The following MCM9 variants were observed in gnomAD, a reference collection of about 807,000 sequenced individuals.
MCM9 encodes the protein minichromosome maintenance 9 homologous recombination repair factor.
Under a neutral mutation model 72.8 loss-of-function variants are expected in MCM9, and 55 were observed. The ratio of observed to expected loss-of-function variants is 0.76; its 90% CI spans 0.61 to 0.95. The LOEUF (loss-of-function observed/expected upper bound fraction) is 0.95, where lower values mean the gene tolerates loss of function less well. Among genes scored for constraint, MCM9 ranks in the 40% least tolerant of loss-of-function variants. The pLI, the probability that MCM9 is intolerant of heterozygous loss-of-function variation, is 0.00. For synonymous variants in MCM9, 480 were observed against 503.4 expected, an observed-to-expected ratio of 0.95 and a Z score of 0.62; for missense variants, 1,279 against 1,377.0, an observed-to-expected ratio of 0.93 and a Z score of 1.13.
At chr6:118,885,158 TGCACTCCAGCATGGGAGACAGA>T (rs1292603668) in intron 8 of MCM9, among the ~76,000 whole-genome samples, 1 of 151,870 alleles carries the variant, frequency 6.6e-6, no homozygotes, top group Non-Finnish European at 1.5e-5. Context: ...ATTGCGCCGC[TGCACTCCAGCATGGGAGACAGA>T]GCACTCCAGC....
intron 8 of MCM9, among the ~76,000 whole-genome samples, chr6:118,889,773 T>C (rs544215870): frequency 1.3e-5 from 2 of 152,300 alleles, no homozygotes; most frequent in South Asian, 4.2e-4. Context: ...ATTACAGTGC[T>C]TCAGAAAGCT....
intron 6 of MCM9, 110 bp downstream of exon 6, chr6:118,917,451 C>G (rs1781054663): frequency 1.9e-6 from 2 of 1,076,934 alleles, no homozygotes; most frequent in Non-Finnish European, 1.4e-6. Context: ...ACCCTTTAAA[C>G]TCAGTCATTG....
chr6:118,852,388 C>G (rs990744619), intron 9 of MCM9, among the ~76,000 whole-genome samples: 3 of 151,826 alleles, frequency 2.0e-5, no homozygotes, highest in Non-Finnish European at 2.9e-5. Context: ...AGCTTTATGT[C>G]TTCTCCTTTC....
At position 118,909,887 on chromosome 6, in the gene MCM9, C is replaced by T. The variant is rs183854533; in HGVS notation, c.1150+1763G>A. The stretch of plus-strand genomic sequence containing the variant: ...ATCCCAGCACTTGGGGAGGCTGAGG[C>T]GGGTGGATCATTTGAGGTCAGGAGT... On this transcript the variant is annotated intron_variant, in intron 8 of 13. Transcript: ENST00000619706. Among the ~76,000 whole-genome samples the T allele has an allele frequency of 2.6e-3, 394 of 152,122 alleles. 1 individual carries two copies. The highest frequency in any genetic ancestry group is 6.4e-3 in the African/African-American group (267 of 41,526).
chr6:118,903,692 G>A (rs899604621), intron 8 of MCM9, among the ~76,000 whole-genome samples: 12 of 152,184 alleles, frequency 7.9e-5, no homozygotes, highest in Admixed American at 1.3e-4. Flanking sequence ...GGATGTGAGC[G>A]AAGGACCTTT....
intron 9 of MCM9, among the ~76,000 whole-genome samples, chr6:118,838,967 T>C (rs1324862983): frequency 1.3e-5 from 2 of 152,334 alleles, no homozygotes; most frequent in African/African-American, 4.8e-5. Context: ...TGAATTTGAA[T>C]GTTGGCCTGT....
chr6:118,868,215 G>A (rs555563850), intron 8 of MCM9, among the ~76,000 whole-genome samples: 1 of 151,940 alleles, frequency 6.6e-6, no homozygotes, highest in Non-Finnish European at 1.5e-5. Flanking sequence ...ACTGTTAAAA[G>A]AACTAAAGCT....
chr6:118,894,521 A>G, intron 8 of MCM9: 1 of 1,536,796 alleles, frequency 6.5e-7, no homozygotes, highest in Non-Finnish European at 8.7e-7. Flanking sequence ...ACCTGTCTGA[A>G]GGTGAGTGCG....
chr6:118,826,284 T>G lies in MCM9; in HGVS notation c.1824A>C (p.Ala608=), dbSNP rs1245367227. 6.5e-7 allele frequency: 1 copy of G among 1,549,408 alleles called. No homozygotes were observed. Among genetic ancestry groups the G allele is most frequent in the South Asian group, 1.2e-5 (1 of 83,968 alleles). The part of the protein sequence containing the change: ...SVMESSMQGG[A]LLGGVNALHT... ...GGAGGGCATTCACACCTCCTAGCAGTGCACCTCCCTGAAGGGGTGAGAAAA... is the reference window on the plus strand; with the variant it reads ...GGAGGGCATTCACACCTCCTAGCAGGGCACCTCCCTGAAGGGGTGAGAAAA... Residue 608 remains alanine (A), a synonymous_variant, in exon 13 of 14, where the codon GCA becomes GCC. Transcript: ENST00000619706.
At chr6:118,931,270 A>G in intron 3 of MCM9, 150 bp downstream of exon 3, 1 of 692,530 alleles carries the variant, frequency 1.4e-6, no homozygotes, top group East Asian at 2.7e-5. Flanking sequence ...CACAATTATT[A>G]TTCTGCTCTA....
At position 118,818,344 on chromosome 6, in the gene MCM9, T is replaced by C. The variant is rs553925948; in HGVS notation, c.1962-2050A>G. Among the ~76,000 whole-genome samples, 297 of 152,350 alleles carry C rather than the reference T, an allele frequency of 1.9e-3. 2 individuals carry two copies. Among genetic ancestry groups the C allele is most frequent in the Middle Eastern group, 6.8e-3 (2 of 294 alleles). On this transcript the variant is annotated intron_variant, in intron 13 of 13. Coordinates refer to ENST00000619706, the MANE Select transcript of MCM9 (RefSeq NM_017696.3). ...GCAGGTCCAGTTTCTGTTTTCTGCATATGGCTAACCAGTTTTCCCAGCATC... is the reference window on the plus strand; with the variant it reads ...GCAGGTCCAGTTTCTGTTTTCTGCACATGGCTAACCAGTTTTCCCAGCATC...
intron 8 of MCM9, chr6:118,900,922 C>A: frequency 1.5e-6 from 2 of 1,327,914 alleles, no homozygotes; most frequent in South Asian, 1.2e-5. Context: ...AAATATGTTT[C>A]GAAGTAGACT....
At chr6:118,869,988 C>T (rs1470036326) in intron 8 of MCM9, among the ~76,000 whole-genome samples, 1 of 152,128 alleles carries the variant, frequency 6.6e-6, no homozygotes, top group Non-Finnish European at 1.5e-5. Flanking sequence ...AACACCACAG[C>T]ACCTAACATA....
chr6:118,820,475 T>C (rs1458691421), intron 13 of MCM9, among the ~76,000 whole-genome samples: 2 of 152,232 alleles, frequency 1.3e-5, no homozygotes, highest in East Asian at 1.9e-4. Context: ...GATTGCACTG[T>C]GGTCTGAGAA....
intron 9 of MCM9, among the ~76,000 whole-genome samples, chr6:118,847,094 T>C (rs146791007): frequency 1.3e-5 from 2 of 151,832 alleles, no homozygotes; most frequent in East Asian, 1.9e-4. Context: ...AAGCAGAAGA[T>C]GTATATCCAG....
At chr6:118,888,797 CATT>C (rs763507651) in intron 8 of MCM9, among the ~76,000 whole-genome samples, 18 of 152,060 alleles carry the variant, frequency 1.2e-4, no homozygotes, top group Non-Finnish European at 2.4e-4. Flanking sequence ...GCATCAAAAA[CATT>C]ATGCTTCAAA....
chr6:118,897,838 C>CA (rs1779536300), intron 8 of MCM9, among the ~76,000 whole-genome samples: 2 of 146,828 alleles, frequency 1.4e-5, no homozygotes, highest in East Asian at 3.9e-4. Flanking sequence ...AAAAAAAAAA[C>CA]AACAAAAAAA....
chr6:118,864,264 C>A (rs773181744), intron 8 of MCM9, among the ~76,000 whole-genome samples: 1 of 152,138 alleles, frequency 6.6e-6, no homozygotes, highest in South Asian at 2.1e-4. Flanking sequence ...CATGCTTTTG[C>A]GTCCTCACAG....
At position 118,846,787 on chromosome 6, in the gene MCM9, T is replaced by C. The variant is rs1472491140; in HGVS notation, c.1325+9584A>G. 2.0e-5 allele frequency among the ~76,000 whole-genome samples: 3 copies of C among 151,842 alleles called. 1 individual carries two copies. Among genetic ancestry groups the C allele is most frequent in the South Asian group, 2.1e-4 (1 of 4,830 alleles). On this transcript the variant is annotated intron_variant, in intron 9 of 13. Transcript: ENST00000619706. ...GAGATTCCTCTGAACTAAAAATTAG[T>C]ATACCATCCAACCTCACCATCACCT...
Sources: gnomAD v4.1 joint callset for allele counts (sites outside exome capture counted in the v4.1 genomes callset) on GRCh38, gnomAD v4.1.1 for gene constraint, MANE v1.5 for transcripts, NCBI Gene and HGNC (gene_info 2026-07-23, HGNC 2026-07-21) for gene names.